MRC1: variants seen among roughly 807,000 people sequenced by gnomAD.
MRC1 encodes macrophage mannose receptor 1.
In MRC1, 62 loss-of-function variants were observed where a neutral mutation model predicts 102.9. That is an observed-to-expected ratio of 0.60 (90% CI 0.49 to 0.74). The LOEUF (loss-of-function observed/expected upper bound fraction) is 0.74, where lower values mean the gene tolerates loss of function less well. Among genes scored for constraint, MRC1 ranks in the 30% least tolerant of loss-of-function variants. The pLI, the probability that MRC1 is intolerant of heterozygous loss-of-function variation, is 0.00. For synonymous variants in MRC1, 457 were observed against 298.4 expected, an observed-to-expected ratio of 1.53 and a Z score of -5.48; for missense variants, 1,237 against 862.8, an observed-to-expected ratio of 1.43 and a Z score of -5.43.
At chr10:17,885,724 T>A (rs1589191574) in intron 22 of MRC1, among the ~76,000 whole-genome samples, 1 of 152,114 alleles carries the variant, frequency 6.6e-6, no homozygotes, top group Non-Finnish European at 1.5e-5. Context: ...TTATCAACTT[T>A]CTTTGTATCA....
At chr10:17,856,663 C>T (rs1564618085) in intron 9 of MRC1, among the ~76,000 whole-genome samples, 1 of 152,138 alleles carries the variant, frequency 6.6e-6, no homozygotes, top group Non-Finnish European at 1.5e-5. Flanking sequence ...GGGCAGGCCA[C>T]GGGAGAAGGT....
intron 3 of MRC1, among the ~76,000 whole-genome samples, chr10:17,833,253 G>A (rs1838606715): frequency 6.6e-6 from 1 of 152,116 alleles, no homozygotes; most frequent in Non-Finnish European, 1.5e-5. Flanking sequence ...GGGCATAGTA[G>A]CTCACCTTTG....
chr10:17,862,379 T>A (rs1833197476), intron 10 of MRC1, among the ~76,000 whole-genome samples: 2 of 152,196 alleles, frequency 1.3e-5, no homozygotes, highest in South Asian at 4.1e-4. Flanking sequence ...ACTCAGAACG[T>A]AGGTACTTTT....
intron 24 of MRC1, 122 bp from the exon 25 acceptor site, chr10:17,900,666 A>T: frequency 2.7e-6 from 2 of 746,832 alleles, no homozygotes; most frequent in Non-Finnish European, 4.9e-6. Context: ...TTTTATTCTC[A>T]AATGTTCCAG....
chr10:17,895,950 A>C (rs894546661), intron 23 of MRC1, among the ~76,000 whole-genome samples: 9 of 152,224 alleles, frequency 5.9e-5, no homozygotes, highest in African/African-American at 2.2e-4. Context: ...GGGGCAGGTT[A>C]TTCAAAAATT....
At position 17,904,185 on chromosome 10, in the gene MRC1, T is replaced by G. The variant is rs868959079; in HGVS notation, c.3799+2063T>G. ...TAGAGTTATACATAAAAAGCACATT[T>G]AAACTATTTTTTATATTTACCCTTG... On this transcript the variant is annotated intron_variant, in intron 26 of 29. Transcript: ENST00000569591. Among the ~76,000 whole-genome samples the G allele has an allele frequency of 7.3e-3, 1,112 of 152,334 alleles. 12 individuals are homozygous for G. Among genetic ancestry groups the G allele is most frequent in the African/African-American group, 0.025 (1,054 of 41,566 alleles).
At chr10:17,897,215 G>A (rs1367445026) in intron 23 of MRC1, among the ~76,000 whole-genome samples, 1 of 152,076 alleles carries the variant, frequency 6.6e-6, no homozygotes. Flanking sequence ...TCATCCTCTG[G>A]CTATTATTTG....
At chr10:17,888,502 G>C (rs1833631030) in intron 22 of MRC1, among the ~76,000 whole-genome samples, 1 of 151,850 alleles carries the variant, frequency 6.6e-6, no homozygotes, top group South Asian at 2.1e-4. Context: ...ACCTTTTTTT[G>C]GTTGTCTTTG....
chr10:17,881,670 A>ATTTTTTTTTT (rs1184943960), intron 21 of MRC1, among the ~76,000 whole-genome samples: 57 of 102,748 alleles, frequency 5.5e-4, no homozygotes, highest in South Asian at 6.6e-4. Flanking sequence ...ACAAATTTTG[A>ATTTTTTTTTT]TTTTTTTTTT....
intron 1 of MRC1, among the ~76,000 whole-genome samples, chr10:17,816,303 T>G (rs1838311813): frequency 1.3e-5 from 2 of 152,200 alleles, no homozygotes; most frequent in Admixed American, 1.3e-4. Flanking sequence ...GCACTCTGGT[T>G]TGAGGGCAAG....
At chr10:17,837,040 G>A (rs570676347) in intron 4 of MRC1, among the ~76,000 whole-genome samples, 2 of 152,276 alleles carry the variant, frequency 1.3e-5, no homozygotes, top group Admixed American at 1.3e-4. Flanking sequence ...CAAGTGATCT[G>A]AGCGGACAGC....
At chr10:17,904,782 C>T (rs1190150650) in intron 26 of MRC1, among the ~76,000 whole-genome samples, 4 of 152,214 alleles carry the variant, frequency 2.6e-5, no homozygotes, top group Non-Finnish European at 5.9e-5. Context: ...CTTTCTCAGA[C>T]ATGCACATAG....
At position 17,910,422 on chromosome 10, in the gene MRC1, A is replaced by G; in HGVS notation, c.4328A>G (p.Asp1443Gly). The change falls in exon 30 of 30, where the codon GAT (aspartate) becomes GGT (glycine). Residue 1443 changes from aspartate (D) to glycine (G), a missense_variant. Transcript: ENST00000569591. ...QSSPGTSDMKDLVGNIEQNEH... is the reference protein window; with the variant it reads ...QSSPGTSDMKGLVGNIEQNEH... ...AGCCCAGGAACTAGTGATATGAAAG[A>G]TCTCGTGGGCAATATTGAACAGAAT... 2.6e-6 allele frequency: 2 copies of G among 780,814 alleles called. No individual in the cohort carries two copies. The highest frequency in any genetic ancestry group is 3.4e-5 in the Admixed American group (2 of 59,002). The allele number at this position is 780,814 out of a possible 1,614,324, so 48.4% of individuals were successfully genotyped here.
chr10:17,840,105 G>T (rs1405259035), intron 4 of MRC1, among the ~76,000 whole-genome samples: 1 of 150,192 alleles, frequency 6.7e-6, no homozygotes, highest in Non-Finnish European at 1.5e-5. Context: ...ATAGGTTAGA[G>T]TGTTTACCGC....
chr10:17,888,251 C>G (rs1430676203), intron 22 of MRC1, among the ~76,000 whole-genome samples: 3 of 152,048 alleles, frequency 2.0e-5, no homozygotes, highest in Non-Finnish European at 2.9e-5. Flanking sequence ...AGACTCTGAG[C>G]CAGGATAATG....
chr10:17,850,961 G>C (rs1479583798), intron 7 of MRC1, among the ~76,000 whole-genome samples: 3 of 152,100 alleles, frequency 2.0e-5, no homozygotes, highest in Non-Finnish European at 4.4e-5. Flanking sequence ...CAATTTCTTG[G>C]TTATTCTGTG....
At chr10:17,899,078 G>A (rs956984058) in intron 24 of MRC1, among the ~76,000 whole-genome samples, 44 of 150,634 alleles carry the variant, frequency 2.9e-4, no homozygotes, top group African/African-American at 9.8e-4. Flanking sequence ...GTCTAGGATG[G>A]TAGAACATAA....
intron 26 of MRC1, among the ~76,000 whole-genome samples, 177 bp downstream of exon 26, chr10:17,902,299 C>T (rs1022186048): frequency 2.8e-4 from 42 of 152,238 alleles, no homozygotes; most frequent in Non-Finnish European, 5.3e-4. Flanking sequence ...TTTGTAGCCT[C>T]AAATTTTAGA....
At chr10:17,896,590 G>C (rs1447873922) in intron 23 of MRC1, among the ~76,000 whole-genome samples, 4 of 152,168 alleles carry the variant, frequency 2.6e-5, no homozygotes, top group Admixed American at 1.3e-4. Flanking sequence ...CTTAAGGAAA[G>C]ATTCACAGTA....
Sources: allele counts gnomAD v4.1 joint callset (sites outside exome capture counted in the v4.1 genomes callset), GRCh38; gene constraint gnomAD v4.1.1; transcripts MANE v1.5; gene names NCBI Gene and HGNC (gene_info 2026-07-23, HGNC 2026-07-21).